The following STON2 variants were observed in gnomAD, a reference collection of about 807,000 sequenced individuals.
STON2 encodes stonin 2.
A neutral mutation model predicts 65.7 loss-of-function variants in STON2; 29 were observed. The ratio of observed to expected loss-of-function variants is 0.44; its 90% CI spans 0.33 to 0.60. The LOEUF is 0.60. STON2 is among the 20% of genes least tolerant of loss of function. The probability of loss-of-function intolerance (pLI) is 0.03; values close to 1 mark genes in which losing one functional copy is unlikely to be tolerated. For missense variants in STON2, 1,054 were observed against 1,118.1 expected (o/e 0.94, Z 0.82); for synonymous variants, 404 against 414.2 (o/e 0.98, Z 0.30).
At chr14:81,404,490 A>C (rs1314278158), upstream of STON2, among the ~76,000 whole-genome samples, 1 of 152,178 alleles carries the variant, frequency 6.6e-6, no homozygotes, top group African/African-American at 2.4e-5. Flanking sequence ...ATCATATATA[A>C]GTAGCCCACA....
chr14:81,327,943 G>A (rs1170473052), intron 4 of STON2, among the ~76,000 whole-genome samples: 2 of 152,146 alleles, frequency 1.3e-5, no homozygotes, highest in African/African-American at 2.4e-5. Flanking sequence ...ACTTGTGAGC[G>A]CTATGACTTT....
chr14:81,374,492 T>C (rs1899160859), intron 3 of STON2, among the ~76,000 whole-genome samples: 1 of 152,006 alleles, frequency 6.6e-6, no homozygotes, highest in Admixed American at 6.6e-5. Context: ...GTGGGTGGGG[T>C]GAACAGGCAG....
intron 3 of STON2, among the ~76,000 whole-genome samples, chr14:81,375,873 C>A: frequency 6.7e-6 from 1 of 150,256 alleles, no homozygotes. Flanking sequence ...ATCTAGTTAT[C>A]TAACTAGTTG....
Position 81,396,158 on chromosome 14 carries a change from G to A in STON2, c.109C>T (p.Pro37Ser), listed in dbSNP as rs761011966. Residue 37 changes from proline to serine, a missense_variant, in exon 3 of 8, where the codon CCA (proline) becomes TCA (serine). Pro to Ser is a moderately conservative substitution (Grantham distance 74). Transcript: ENST00000614646. ...TGGTCTGGGGAAGATGACAGTCCTG[G>A]GAGGTGCTCTTCCGTGCCCCCTGAA... ...HSQGGTEEHL[P>S]GLSSSPDQSE... 4 of 1,612,352 alleles carry A rather than the reference G, an allele frequency of 2.5e-6. No homozygotes were observed. Among genetic ancestry groups the A allele is most frequent in the African/African-American group, 1.3e-5 (1 of 74,988 alleles).
At chr14:81,382,676 AC>A (rs1195447342) in intron 3 of STON2, among the ~76,000 whole-genome samples, 2 of 152,170 alleles carry the variant, frequency 1.3e-5, no homozygotes, top group Non-Finnish European at 2.9e-5. Flanking sequence ...ATAATCTAAT[AC>A]ACAATCTTAA....
chr14:81,329,296 A>C (rs1230099129), intron 4 of STON2, among the ~76,000 whole-genome samples: 4 of 152,110 alleles, frequency 2.6e-5, no homozygotes, highest in Non-Finnish European at 5.9e-5. Flanking sequence ...TACTAAAAAC[A>C]CAAAAGAAAT....
chr14:81,262,760 T>TA lies in STON2; in HGVS notation c.*5653dup. The TA allele has an allele frequency of 1.0e-6, 1 of 985,392 alleles. No individual in the cohort carries two copies. The highest frequency in any genetic ancestry group is 1.2e-6 in the Non-Finnish European group (1 of 829,904). 61.0% of individuals were successfully genotyped at this position (985,392 alleles called of 1,614,324 possible). Reference sequence around the variant, plus strand: ...TTCCAGCAGATTTGCTAAGGCACACTAGAAGAAATGTAAAAATCTCACATT... The same window carrying TA: ...TTCCAGCAGATTTGCTAAGGCACACTAAGAAGAAATGTAAAAATCTCACATT... On this transcript the variant is annotated 3_prime_UTR_variant, in exon 8 of 8. Transcript: ENST00000614646.
intron 4 of STON2, among the ~76,000 whole-genome samples, chr14:81,364,709 T>C (rs1898642738): frequency 6.6e-6 from 1 of 152,182 alleles, no homozygotes; most frequent in Non-Finnish European, 1.5e-5. Flanking sequence ...ATACATGTTA[T>C]AAATCTCCAA....
At chr14:81,434,558 T>A (rs530988319) in intron 1 of STON2, among the ~76,000 whole-genome samples, 8 of 152,270 alleles carry the variant, frequency 5.3e-5, no homozygotes, top group African/African-American at 1.4e-4. Context: ...CTAGAAGAAC[T>A]GGGGCATTTT....
In STON2 at chr14:81,261,924, T is replaced by C; in HGVS notation, c.*6490A>G. The C allele has an allele frequency of 6.8e-7, 1 of 1,480,286 alleles. No homozygotes were observed. The highest frequency in any genetic ancestry group is 1.4e-5 in the South Asian group (1 of 74,072). The allele number at this position is 1,480,286 out of a possible 1,614,324, so 91.7% of individuals were successfully genotyped here. A position where few individuals can be genotyped will look rare whatever the true frequency, so the allele number is the denominator to read the frequency against. On this transcript the variant is annotated 3_prime_UTR_variant, in exon 8 of 8. Transcript: ENST00000614646. ...TAGAGGATTTGGAAGGTTGTCTGTT[T>C]CTGTTGTCTGGGGAAATGATAAAAA...
chr14:81,327,143 G>A (rs142996983), intron 4 of STON2, among the ~76,000 whole-genome samples: 21 of 152,132 alleles, frequency 1.4e-4, no homozygotes, highest in African/African-American at 4.3e-4. Context: ...GAGCAACAGC[G>A]CAAGACTCCA....
intron 1 of STON2, among the ~76,000 whole-genome samples, chr14:81,430,452 G>A (rs767696032): frequency 3.9e-5 from 6 of 152,092 alleles, no homozygotes; most frequent in African/African-American, 1.4e-4. Context: ...TCTGCAAAGC[G>A]GCTTCACACT....
rs1354329805 is a variant in STON2, at chr14:81,265,007, C to G, written c.*3407G>C. 1.0e-6 allele frequency: 1 copy of G among 980,882 alleles called. No individual in the cohort carries two copies. Among genetic ancestry groups the G allele is most frequent in the East Asian group, 1.1e-4 (1 of 8,780 alleles). The allele number at this position is 980,882 out of a possible 1,614,324, so 60.8% of individuals were successfully genotyped here. A position where few individuals can be genotyped will look rare whatever the true frequency, so the allele number is the denominator to read the frequency against. ...TCTAATTTATGTTCTAAGAGTAATA[C>G]TATGTACTGGTAAAATGAATTCATT... is the stretch of plus-strand genomic sequence containing the variant. On this transcript the variant is annotated 3_prime_UTR_variant, in exon 8 of 8. Coordinates refer to ENST00000614646, the MANE Select transcript of STON2 (RefSeq NM_001394390.1).
chr14:81,281,184 A>G (rs1895102882), intron 5 of STON2, among the ~76,000 whole-genome samples: 1 of 152,184 alleles, frequency 6.6e-6, no homozygotes, highest in Non-Finnish European at 1.5e-5. Flanking sequence ...AAAGATGAGA[A>G]TCTCCTTCAA....
chr14:81,332,536 G>A (rs573011411), intron 4 of STON2, among the ~76,000 whole-genome samples: 1 of 152,126 alleles, frequency 6.6e-6, no homozygotes, highest in Non-Finnish European at 1.5e-5. Flanking sequence ...CTTACCATAT[G>A]TTCCCCACAT....
intron 4 of STON2, among the ~76,000 whole-genome samples, chr14:81,332,375 A>G (rs1299377371): frequency 6.6e-6 from 1 of 152,232 alleles, no homozygotes; most frequent in Non-Finnish European, 1.5e-5. Context: ...AAAATTTTAT[A>G]TGCATCATAA....
At chr14:81,297,956 G>A (rs1326804565) in intron 5 of STON2, among the ~76,000 whole-genome samples, 3 of 152,218 alleles carry the variant, frequency 2.0e-5, no homozygotes, top group African/African-American at 7.2e-5. Flanking sequence ...AGAATCGCTT[G>A]AACCTGGGAG....
intron 2 of STON2, chr14:81,412,925 C>G: frequency 1.4e-6 from 1 of 714,658 alleles, no homozygotes; most frequent in Non-Finnish European, 2.4e-6. Context: ...AGCACCTCCC[C>G]AGGAGACCGT....
At chr14:81,421,053 C>T (rs1430366219) in intron 2 of STON2, among the ~76,000 whole-genome samples, 1 of 152,068 alleles carries the variant, frequency 6.6e-6, no homozygotes, top group Non-Finnish European at 1.5e-5. Flanking sequence ...TCAAGGATGG[C>T]CTGAGATTCA....
Sources: gnomAD v4.1 joint callset for allele counts (sites outside exome capture counted in the v4.1 genomes callset) on GRCh38, gnomAD v4.1.1 for gene constraint, MANE v1.5 for transcripts, NCBI Gene and HGNC (gene_info 2026-07-23, HGNC 2026-07-21) for gene names.